The following PHACTR2 variants were observed in gnomAD, a reference collection of about 807,000 sequenced individuals.
PHACTR2 encodes the protein chromosome 6 open reading frame 56.
PHACTR2 carries 30 observed loss-of-function variants against 76.0 expected under a neutral mutation model. The observed-to-expected ratio is 0.39, with a 90% CI of 0.30 to 0.54. The LOEUF is 0.54. Ranked by LOEUF, PHACTR2 falls within the 20% of genes least tolerant of loss-of-function variation. The pLI is 0.61. For synonymous variants in PHACTR2, 292 were observed against 292.5 expected (o/e 1.00, Z 0.02); for missense variants, 696 against 781.1 (o/e 0.89, Z 1.30).
intron 1 of PHACTR2, among the ~76,000 whole-genome samples, chr6:143,568,844 G>C (rs13362700): frequency 0.058 from 8,790 of 152,036 alleles, 868 homozygotes; most frequent in African/African-American, 0.2. Context: ...ACGCAAGTAT[G>C]GTATTATTTA....
At chr6:143,574,512 A>C (rs554362857) in intron 1 of PHACTR2, among the ~76,000 whole-genome samples, 136 of 152,322 alleles carry the variant, frequency 8.9e-4, no homozygotes, top group Middle Eastern at 6.8e-3. Context: ...GTAGGCAATT[A>C]GATTTTTAAA....
intron 7 of PHACTR2, among the ~76,000 whole-genome samples, chr6:143,773,138 A>G (rs1327981829): frequency 6.6e-6 from 1 of 152,128 alleles, no homozygotes; most frequent in Non-Finnish European, 1.5e-5. Flanking sequence ...GCTTGAACCC[A>G]GGAGGCAGAA....
At chr6:143,690,855 A>G (rs567397831) in intron 1 of PHACTR2, among the ~76,000 whole-genome samples, 1 of 152,324 alleles carries the variant, frequency 6.6e-6, no homozygotes, top group East Asian at 1.9e-4. Context: ...AAGAAGACTC[A>G]CATTTAAGAT....
Position 143,767,978 on chromosome 6 carries a change from C to T in PHACTR2, c.1232+2180C>T, listed in dbSNP as rs535243540. Among the ~76,000 whole-genome samples, 12 of 152,268 alleles carry T rather than the reference C, an allele frequency of 7.9e-5. No homozygotes were observed. Among genetic ancestry groups the T allele is most frequent in the South Asian group, 4.1e-4 (2 of 4,824 alleles). On this transcript the variant is annotated intron_variant, in intron 6 of 12. Coordinates refer to ENST00000440869, the MANE Select transcript of PHACTR2 (RefSeq NM_001100164.2). This position sits in a 1 kb window ranked among gnomAD's most constrained non-coding sequence, Gnocchi z 4.4. ...TCAGCCTCCCCAGTAACTGGAACTA[C>T]GGGTGCCTGCCACCACGCCTGGCTA...
intron 2 of PHACTR2, among the ~76,000 whole-genome samples, chr6:143,717,733 C>T (rs768610209): frequency 6.6e-6 from 1 of 152,012 alleles, no homozygotes; most frequent in Non-Finnish European, 1.5e-5. Context: ...CCACCACACT[C>T]GGCTAATTTT....
chr6:143,605,132 T>TA (rs1031600063), upstream of PHACTR2, among the ~76,000 whole-genome samples: 5 of 151,912 alleles, frequency 3.3e-5, no homozygotes, highest in African/African-American at 4.8e-5. The surrounding 1 kb of genome is among the most constrained non-coding windows in gnomAD (Gnocchi z 5.0). Flanking sequence ...AACACTCTCT[T>TA]AAAAAACCCA....
chr6:143,656,608 C>G lies in PHACTR2; in HGVS notation c.13+48286C>G, dbSNP rs926817408. Among the ~76,000 whole-genome samples, 2 of 151,926 alleles carry G rather than the reference C, an allele frequency of 1.3e-5. No individual in the cohort carries two copies. Among genetic ancestry groups the G allele is most frequent in the African/African-American group, 4.8e-5 (2 of 41,336 alleles). ...GAGACATCAATGCTAGATGAGGATA[C>G]AGGTAGATGAATGAATATTGTAGTT... On this transcript the variant is annotated intron_variant, in intron 1 of 11. Transcript: ENST00000305766. This position sits in a 1 kb window ranked among gnomAD's most constrained non-coding sequence, Gnocchi z 5.3.
rs1374867830 is a variant in PHACTR2, at chr6:143,743,983, C to T, written c.215-5002C>T. 1.3e-5 allele frequency among the ~76,000 whole-genome samples: 2 copies of T among 152,214 alleles called. No individual in the cohort carries two copies. Among genetic ancestry groups the T allele is most frequent in the South Asian group, 4.1e-4 (2 of 4,832 alleles). ...AAGCCAGCGGCATATGCTCCAGCCT[C>T]TTTTCCTGAGTGCAGCTCCACAGCT... is the stretch of plus-strand genomic sequence containing the variant. On this transcript the variant is annotated intron_variant, in intron 2 of 12. Transcript: ENST00000440869. The surrounding 1 kb of genome is among the most constrained non-coding windows in gnomAD (Gnocchi z 5.0).
At chr6:143,675,174 C>G (rs1225145542), upstream of PHACTR2, among the ~76,000 whole-genome samples, 2 of 152,176 alleles carry the variant, frequency 1.3e-5, no homozygotes, top group Non-Finnish European at 2.9e-5. The surrounding 1 kb of genome is among the most constrained non-coding windows in gnomAD (Gnocchi z 4.9). Flanking sequence ...CACTAATTCA[C>G]TTTCTTTAGT....
rs1034291506 is a variant in PHACTR2 at position 143,799,682 on chromosome 6, G to A, written c.1846-7375G>A. Among the ~76,000 whole-genome samples, 14 of 152,172 alleles carry A rather than the reference G, an allele frequency of 9.2e-5. No individual in the cohort carries two copies. The South Asian group carries it at 1.0e-3, about 11-fold the overall frequency. ...CAGGAGCAGGTTGTTCAGTTTCCACGTAGCTGTGCGGTTTTGAGTGAGATT... is the reference window on the plus strand; with the variant it reads ...CAGGAGCAGGTTGTTCAGTTTCCACATAGCTGTGCGGTTTTGAGTGAGATT... On this transcript the variant is annotated intron_variant, in intron 11 of 12. Coordinates refer to ENST00000440869, the MANE Select transcript of PHACTR2 (RefSeq NM_001100164.2).
At chr6:143,713,218 A>G (rs1473343161) in intron 2 of PHACTR2, among the ~76,000 whole-genome samples, 1 of 152,220 alleles carries the variant, frequency 6.6e-6, no homozygotes, top group Non-Finnish European at 1.5e-5. Flanking sequence ...AAGCTCCCCA[A>G]AAAAGTGGTC....
Position 143,825,918 on chromosome 6 carries a change from T to C in PHACTR2, c.*2229T>C, listed in dbSNP as rs1776521496. On this transcript the variant is annotated 3_prime_UTR_variant, in exon 13 of 13. Coordinates refer to ENST00000440869, the MANE Select transcript of PHACTR2 (RefSeq NM_001100164.2). This position sits in a 1 kb window ranked among gnomAD's most constrained non-coding sequence, Gnocchi z 4.1. ...ATTGCCTACAATGAGATACACTTAG[T>C]ACAAAAAATGAAAATCTGGTATTTC... The C allele has an allele frequency of 6.6e-6, 1 of 152,106 alleles. No individual in the cohort carries two copies. The highest frequency in any genetic ancestry group is 1.5e-5 in the Non-Finnish European group (1 of 68,022). The allele number at this position is 152,106 out of a possible 1,614,324, so 9.4% of individuals were successfully genotyped here. A position where few individuals can be genotyped will look rare whatever the true frequency, so the allele number is the denominator to read the frequency against.
In PHACTR2 at chr6:143,595,110, A is replaced by G. The variant is rs1296327657; in HGVS notation, c.217+57903A>G. Among the ~76,000 whole-genome samples, 1 of 152,230 alleles carries G rather than the reference A, an allele frequency of 6.6e-6. No homozygotes were observed. The highest frequency in any genetic ancestry group is 2.4e-5 in the African/African-American group (1 of 41,458). The stretch of plus-strand genomic sequence containing the variant: ...AAGACAATTTTAGATTCTCATAGTA[A>G]GAACAAATTTAGACACCTTCATAAG... On this transcript the variant is annotated intron_variant, in intron 1 of 11. Coordinates refer to the PHACTR2 transcript ENST00000367584. The surrounding 1 kb of genome is among the most constrained non-coding windows in gnomAD (Gnocchi z 4.2).
At position 143,558,260 on chromosome 6, in the gene PHACTR2, G is replaced by A. The variant is rs1205957203; in HGVS notation, c.217+21053G>A. The A allele has an allele frequency of 5.3e-5, 8 of 152,102 alleles. No homozygotes were observed. Among genetic ancestry groups the A allele is most frequent in the Non-Finnish European group, 1.5e-5 (1 of 68,024 alleles). 9.4% of individuals were successfully genotyped at this position (152,102 alleles called of 1,614,324 possible). A position where few individuals can be genotyped will look rare whatever the true frequency, so the allele number is the denominator to read the frequency against. On this transcript the variant is annotated intron_variant, in intron 1 of 11. Transcript: ENST00000367584. This position sits in a 1 kb window ranked among gnomAD's most constrained non-coding sequence, Gnocchi z 4.7. Reference sequence around the variant, plus strand: ...TATTTGATGATATTAAGGAATTAATGTTCCTTCTTAGGTGTGAAATAATAT... The same window carrying A: ...TATTTGATGATATTAAGGAATTAATATTCCTTCTTAGGTGTGAAATAATAT...
At chr6:143,805,960 A>G (rs567984225) in intron 11 of PHACTR2, among the ~76,000 whole-genome samples, 1 of 152,308 alleles carries the variant, frequency 6.6e-6, no homozygotes, top group African/African-American at 2.4e-5. Context: ...TTCCAACCAC[A>G]AAGAAGACTT....
chr6:143,630,825 C>T (rs929796991), intron 1 of PHACTR2, among the ~76,000 whole-genome samples: 6 of 152,216 alleles, frequency 3.9e-5, no homozygotes, highest in Admixed American at 6.5e-5. Context: ...GCCTTTGGAG[C>T]AGGGAAAGAA....
At chr6:143,786,961 A>G (rs1364133749) in intron 10 of PHACTR2, among the ~76,000 whole-genome samples, 1 of 152,118 alleles carries the variant, frequency 6.6e-6, no homozygotes, top group Non-Finnish European at 1.5e-5. Flanking sequence ...AAACTGAAAG[A>G]CTTTATTGAC....
At chr6:143,812,639 G>A (rs1749594137) in intron 12 of PHACTR2, among the ~76,000 whole-genome samples, 1 of 152,196 alleles carries the variant, frequency 6.6e-6, no homozygotes, top group African/African-American at 2.4e-5. Context: ...GGGACAAATG[G>A]TCCCCACAAG....
intron 1 of PHACTR2, among the ~76,000 whole-genome samples, chr6:143,577,373 T>C (rs1364508616): frequency 6.6e-6 from 1 of 152,096 alleles, no homozygotes. Flanking sequence ...TGATCCCAGA[T>C]AACAGTAGAG....
Sources: allele counts gnomAD v4.1 joint callset (sites outside exome capture counted in the v4.1 genomes callset), GRCh38; gene constraint gnomAD v4.1.1; non-coding constraint Gnocchi (gnomAD v3.1); transcripts MANE v1.5; gene names NCBI Gene and HGNC (gene_info 2026-07-23, HGNC 2026-07-21).